Variants in FTCDNL1 observed in about 807,000 individuals in gnomAD.
FTCDNL1 encodes formiminotransferase N-terminal subdomain-containing protein.
FTCDNL1 carries 11 observed loss-of-function variants against 5.9 expected under a neutral mutation model. The observed-to-expected ratio is 1.87, with a 90% CI of 1.18 to 3.10. FTCDNL1 has a LOEUF of 3.10. Among genes scored for constraint, FTCDNL1 ranks in the 30% most tolerant of loss-of-function variants. The pLI is 0.00. For synonymous variants in FTCDNL1, 58 were observed against 24.8 expected, an observed-to-expected ratio of 2.34 and a Z score of -3.99; for missense variants, 115 against 65.5, an observed-to-expected ratio of 1.76 and a Z score of -2.61.
chr2:199,698,117 G>T, the FTCDNL1 span, among the ~76,000 whole-genome samples: 4 of 152,196 alleles, frequency 2.6e-5, no homozygotes, highest in Admixed American at 2.6e-4. Flanking sequence ...CAACACTGCA[G>T]CACACAGATT....
chr2:199,769,477 A>AG (rs1698701445), intron 3 of FTCDNL1, among the ~76,000 whole-genome samples: 1 of 120,972 alleles, frequency 8.3e-6, no homozygotes, highest in African/African-American at 4.2e-5. Flanking sequence ...CATGATTTTG[A>AG]GGCCCCCCCA....
the FTCDNL1 span, among the ~76,000 whole-genome samples, chr2:199,736,839 A>G: frequency 1.2e-4 from 19 of 152,348 alleles, no homozygotes; most frequent in African/African-American, 4.3e-4. Context: ...GCAATAGTCA[A>G]TTGAACTGGT....
At chr2:199,722,672 A>G in the FTCDNL1 span, among the ~76,000 whole-genome samples, 11 of 152,226 alleles carry the variant, frequency 7.2e-5, no homozygotes, top group Admixed American at 2.0e-4. Flanking sequence ...TGTCAATGGT[A>G]GCTTGATGGG....
At chr2:199,766,643 C>T (rs937869071) in intron 3 of FTCDNL1, among the ~76,000 whole-genome samples, 1 of 152,052 alleles carries the variant, frequency 6.6e-6, no homozygotes, top group Non-Finnish European at 1.5e-5. Flanking sequence ...AAGTATTTTC[C>T]AAAGACAGAT....
chr2:199,733,327 C>T, the FTCDNL1 span, among the ~76,000 whole-genome samples: 42 of 152,282 alleles, frequency 2.8e-4, no homozygotes, highest in Non-Finnish European at 4.9e-4. Context: ...TCAATTCAAC[C>T]ACAGTGTGAA....
the FTCDNL1 span, among the ~76,000 whole-genome samples, chr2:199,668,922 G>T: frequency 2.0e-5 from 3 of 152,118 alleles, no homozygotes; most frequent in African/African-American, 7.2e-5. Context: ...AGTGTAGGAT[G>T]AAGCAAAGAA....
chr2:199,766,248 C>T (rs1574449303), intron 3 of FTCDNL1, among the ~76,000 whole-genome samples: 1 of 152,332 alleles, frequency 6.6e-6, no homozygotes, highest in East Asian at 1.9e-4. Context: ...ATAATATTAA[C>T]ACAGCTTCCC....
chr2:199,690,458 C>T, the FTCDNL1 span, among the ~76,000 whole-genome samples: 471 of 152,248 alleles, frequency 3.1e-3, 5 homozygotes, highest in African/African-American at 0.011. Flanking sequence ...CCTCTCTCAC[C>T]GGCTGTCACT....
intron 3 of FTCDNL1, among the ~76,000 whole-genome samples, chr2:199,830,248 A>G (rs1702282274): frequency 6.6e-6 from 1 of 152,178 alleles, no homozygotes; most frequent in Admixed American, 6.6e-5. Flanking sequence ...AGATAGCCCT[A>G]AAAGTTTTTG....
chr2:199,756,957 C>T (rs183644148), downstream of FTCDNL1, among the ~76,000 whole-genome samples: 16 of 152,286 alleles, frequency 1.1e-4, no homozygotes, highest in Admixed American at 8.5e-4. Context: ...TCACTTCTGC[C>T]CACATTATAT....
At chr2:199,740,175 T>C in the FTCDNL1 span, among the ~76,000 whole-genome samples, 1 of 152,224 alleles carries the variant, frequency 6.6e-6, no homozygotes, top group Non-Finnish European at 1.5e-5. Flanking sequence ...ACTCGGTTCA[T>C]TTTATGACTG....
intron 3 of FTCDNL1, among the ~76,000 whole-genome samples, chr2:199,796,081 A>G (rs1292193958): frequency 1.3e-5 from 2 of 152,148 alleles, no homozygotes; most frequent in Non-Finnish European, 2.9e-5. Flanking sequence ...GGAGATACCA[A>G]CTATGTCTTC....
the FTCDNL1 span, among the ~76,000 whole-genome samples, chr2:199,727,800 A>G: frequency 6.6e-6 from 1 of 152,142 alleles, no homozygotes; most frequent in Non-Finnish European, 1.5e-5. Flanking sequence ...TTTTACATAA[A>G]TAATAGATTT....
the FTCDNL1 span, among the ~76,000 whole-genome samples, chr2:199,753,190 A>G: frequency 6.6e-6 from 1 of 152,312 alleles, no homozygotes; most frequent in East Asian, 1.9e-4. Flanking sequence ...ATAACCCTGT[A>G]TAAGGTTATA....
At chr2:199,826,713 G>C (rs1335770220) in intron 3 of FTCDNL1, among the ~76,000 whole-genome samples, 1 of 152,114 alleles carries the variant, frequency 6.6e-6, no homozygotes, top group Non-Finnish European at 1.5e-5. Context: ...AGAATCACTT[G>C]AACACAGGAG....
intron 2 of FTCDNL1, among the ~76,000 whole-genome samples, chr2:199,846,633 G>A (rs1335707413): frequency 3.3e-5 from 5 of 152,204 alleles, no homozygotes; most frequent in African/African-American, 1.2e-4. Context: ...GCCCAGAGCA[G>A]AGGTTTTTGA....
At chr2:199,734,168 G>A in the FTCDNL1 span, among the ~76,000 whole-genome samples, 1 of 152,188 alleles carries the variant, frequency 6.6e-6, no homozygotes, top group Admixed American at 6.5e-5. Flanking sequence ...GTAGGCAGTG[G>A]AAGGCAGGTC....
chr2:199,805,829 G>A (rs1037352644), downstream of FTCDNL1, among the ~76,000 whole-genome samples: 10 of 152,062 alleles, frequency 6.6e-5, no homozygotes, highest in African/African-American at 2.2e-4. Flanking sequence ...TGAGGTGGGA[G>A]GATCACTTCA....
the FTCDNL1 span, among the ~76,000 whole-genome samples, chr2:199,678,136 G>A: frequency 3.0e-4 from 45 of 152,232 alleles, 1 homozygote; most frequent in African/African-American, 1.1e-3. Context: ...TGGAGATTGG[G>A]GGTTTGGAAG....
Sources: gnomAD v4.1 joint callset for allele counts (sites outside exome capture counted in the v4.1 genomes callset) on GRCh38, gnomAD v4.1.1 for gene constraint, MANE v1.5 for transcripts, NCBI Gene and HGNC (gene_info 2026-07-23, HGNC 2026-07-21) for gene names.